The following EHMT1 variants were observed in gnomAD, a reference collection of about 807,000 sequenced individuals.
The protein encoded by EHMT1 is euchromatic histone lysine methyltransferase 1, also known as histone-lysine N-methyltransferase EHMT1.
Under a neutral mutation model 147.2 loss-of-function variants are expected in EHMT1, and 15 were observed. The ratio of observed to expected loss-of-function variants is 0.10; its 90% CI spans 0.07 to 0.16. The LOEUF (loss-of-function observed/expected upper bound fraction) is 0.16, where lower values mean the gene tolerates loss of function less well. Among genes scored for constraint, EHMT1 ranks in the 10% least tolerant of loss-of-function variants. EHMT1 has a pLI of 1.00. For missense variants in EHMT1, 1,587 were observed against 1,772.4 expected, an observed-to-expected ratio of 0.90 and a Z score of 1.88; for synonymous variants, 795 against 709.6, an observed-to-expected ratio of 1.12 and a Z score of -1.91.
intron 18 of EHMT1, among the ~76,000 whole-genome samples, chr9:137,805,270 G>C (rs1040709865): frequency 2.0e-5 from 3 of 152,054 alleles, no homozygotes; most frequent in Non-Finnish European, 4.4e-5. Context: ...GTAAGGGTCA[G>C]TCATCTGCAT....
chr9:137,630,334 AG>A (rs1843547421), intron 1 of EHMT1, among the ~76,000 whole-genome samples: 1 of 152,346 alleles, frequency 6.6e-6, no homozygotes, highest in Non-Finnish European at 1.5e-5. Flanking sequence ...AAAGTAAACA[AG>A]AAGAGGCTGC....
At chr9:137,759,702 C>T (rs1317567090) in intron 9 of EHMT1, among the ~76,000 whole-genome samples, 1 of 152,238 alleles carries the variant, frequency 6.6e-6, no homozygotes, top group Non-Finnish European at 1.5e-5. Flanking sequence ...TTCAGTCATG[C>T]TCTTGATGTA....
chr9:137,702,302 GT>G (rs1406738273), intron 1 of EHMT1, among the ~76,000 whole-genome samples: 2 of 152,150 alleles, frequency 1.3e-5, no homozygotes, highest in African/African-American at 4.8e-5. Context: ...CTGAGACAAG[GT>G]AAGTCCCTTC....
intron 3 of EHMT1, among the ~76,000 whole-genome samples, chr9:137,725,364 C>T (rs936770136): frequency 2.6e-5 from 4 of 152,132 alleles, no homozygotes; most frequent in Non-Finnish European, 5.9e-5. Context: ...CATTAGTGGA[C>T]ATGGCAGGAG....
At chr9:137,635,546 C>T (rs113033213) in intron 1 of EHMT1, among the ~76,000 whole-genome samples, 13 of 149,614 alleles carry the variant, frequency 8.7e-5, no homozygotes, top group African/African-American at 2.2e-4. Flanking sequence ...CAGAGCTGGG[C>T]GCGGTGGCTC....
chr9:137,765,240 G>A (rs139131110), intron 10 of EHMT1, among the ~76,000 whole-genome samples: 35 of 152,276 alleles, frequency 2.3e-4, no homozygotes, highest in African/African-American at 5.8e-4. Context: ...GGGCTGTTTC[G>A]TACCTCTGAA....
In EHMT1 at chr9:137,743,872, C is replaced by G. The variant is rs1948322117; in HGVS notation, c.982-30C>G. The G allele has an allele frequency of 5.6e-6, 9 of 1,594,140 alleles. No homozygotes were observed. In the South Asian group the frequency reaches 9.0e-5, roughly 16 times the overall value. On this transcript the variant is annotated intron_variant, in intron 5 of 26. Transcript: ENST00000460843. ...TTGTTCATGATGCGCACTGATCCTGCCTTGGGGTATACACCTGCCCGTGTT... is the reference window on the plus strand; with the variant it reads ...TTGTTCATGATGCGCACTGATCCTGGCTTGGGGTATACACCTGCCCGTGTT...
At chr9:137,759,073 G>A (rs1419655088) in intron 9 of EHMT1, among the ~76,000 whole-genome samples, 4 of 152,018 alleles carry the variant, frequency 2.6e-5, no homozygotes, top group Non-Finnish European at 1.5e-5. Flanking sequence ...CTTGCAATGA[G>A]CCGAGATGGC....
chr9:137,721,921 G>C (rs1946096997), intron 3 of EHMT1, among the ~76,000 whole-genome samples: 2 of 151,178 alleles, frequency 1.3e-5, no homozygotes, highest in South Asian at 2.1e-4. Context: ...CCTGTGGATT[G>C]TGCTGTTGGT....
intron 16 of EHMT1, among the ~76,000 whole-genome samples, chr9:137,797,303 G>A (rs552340603): frequency 1.7e-4 from 26 of 152,150 alleles, no homozygotes; most frequent in African/African-American, 5.8e-4. Flanking sequence ...CTATTCCCAC[G>A]GGGTTCCTTT....
At chr9:137,829,414 T>C (rs560576700) in intron 25 of EHMT1, among the ~76,000 whole-genome samples, 14 of 152,294 alleles carry the variant, frequency 9.2e-5, no homozygotes, top group African/African-American at 3.1e-4. Context: ...GTTGTTAGTA[T>C]CTTGCTTTAT....
At chr9:137,710,612 AAT>A (rs1944618163) in intron 1 of EHMT1, among the ~76,000 whole-genome samples, 1 of 152,164 alleles carries the variant, frequency 6.6e-6, no homozygotes, top group South Asian at 2.1e-4. Flanking sequence ...GGACATTTGA[AAT>A]ATATGAATTA....
At chr9:137,651,152 A>G (rs1937769809) in intron 1 of EHMT1, 1 of 152,210 alleles carries the variant, frequency 6.6e-6, no homozygotes, top group South Asian at 2.1e-4. Flanking sequence ...GGTGTGAGCC[A>G]CTGCACCCAG....
chr9:137,767,681 C>T (rs915226748), intron 10 of EHMT1, among the ~76,000 whole-genome samples: 7 of 152,132 alleles, frequency 4.6e-5, no homozygotes, highest in South Asian at 2.1e-4. Context: ...GGCGTGGTGG[C>T]GGGAGCTTGT....
chr9:137,718,283 C>G (rs1199187225), intron 3 of EHMT1, among the ~76,000 whole-genome samples: 3 of 152,254 alleles, frequency 2.0e-5, no homozygotes, highest in African/African-American at 7.2e-5. Flanking sequence ...GTGGTGCATA[C>G]ACGATACAGG....
At chr9:137,809,508 G>A (rs535631606) in intron 18 of EHMT1, among the ~76,000 whole-genome samples, 13 of 152,320 alleles carry the variant, frequency 8.5e-5, no homozygotes, top group African/African-American at 2.6e-4. Flanking sequence ...CTTGGGCCCC[G>A]AGCCTCCTCA....
chr9:137,737,871 C>T (rs1052907181), intron 4 of EHMT1, among the ~76,000 whole-genome samples: 1 of 152,158 alleles, frequency 6.6e-6, no homozygotes, highest in African/African-American at 2.4e-5. Flanking sequence ...AATCCCACAA[C>T]TCAACAATAA....
intron 15 of EHMT1, 46 bp from the exon 16 acceptor site, chr9:137,790,802 G>T (rs1241037655): frequency 1.9e-6 from 3 of 1,613,878 alleles, no homozygotes; most frequent in Non-Finnish European, 2.5e-6. Flanking sequence ...CCAGGCGGTG[G>T]CTACCGTCAC....
chr9:137,794,285 A>G (rs1952738276), intron 16 of EHMT1, among the ~76,000 whole-genome samples: 1 of 152,192 alleles, frequency 6.6e-6, no homozygotes, highest in Non-Finnish European at 1.5e-5. Context: ...AAACATTTTT[A>G]TAGTTAAATA....
Sources: allele counts gnomAD v4.1 joint callset (sites outside exome capture counted in the v4.1 genomes callset), GRCh38; gene constraint gnomAD v4.1.1; transcripts MANE v1.5; gene names NCBI Gene and HGNC (gene_info 2026-07-23, HGNC 2026-07-21).